GAS2L3: variants seen among roughly 807,000 people sequenced by gnomAD.
GAS2L3 encodes the protein growth arrest specific 2 like 3.
GAS2L3 carries 28 observed loss-of-function variants against 37.0 expected under a neutral mutation model. That is an observed-to-expected ratio of 0.76 (90% CI 0.56 to 1.04). The LOEUF (loss-of-function observed/expected upper bound fraction) is 1.04, where lower values mean the gene tolerates loss of function less well. Among genes scored for constraint, GAS2L3 ranks in the 50% least tolerant of loss-of-function variants. The pLI, the probability that GAS2L3 is intolerant of heterozygous loss-of-function variation, is 0.00. For missense variants in GAS2L3, 793 were observed against 817.6 expected, an observed-to-expected ratio of 0.97 and a Z score of 0.37; for synonymous variants, 290 against 296.6, an observed-to-expected ratio of 0.98 and a Z score of 0.23.
At chr12:100,578,633 T>C in intron 1 of GAS2L3, 1 of 256,316 alleles carries the variant, frequency 3.9e-6, no homozygotes, top group East Asian at 8.8e-5. Flanking sequence ...AGATGTGTAT[T>C]GGCGGCAGCC....
intron 1 of GAS2L3, among the ~76,000 whole-genome samples, chr12:100,578,052 T>A (rs1487149405): frequency 6.6e-6 from 1 of 152,206 alleles, no homozygotes; most frequent in Non-Finnish European, 1.5e-5. Flanking sequence ...AAAATGTCCT[T>A]GGATCAGAGT....
chr12:100,591,555 C>A (rs912320555), intron 1 of GAS2L3, among the ~76,000 whole-genome samples, 181 bp from the exon 2 acceptor site: 1 of 152,100 alleles, frequency 6.6e-6, no homozygotes, highest in South Asian at 2.1e-4. Context: ...GTATTACTAG[C>A]TTTGTTTTCT....
chr12:100,574,563 T>C (rs1955612279), intron 1 of GAS2L3, among the ~76,000 whole-genome samples: 1 of 152,166 alleles, frequency 6.6e-6, no homozygotes, highest in Non-Finnish European at 1.5e-5. Flanking sequence ...TCCTAATCTT[T>C]TCACACCGAG....
intron 5 of GAS2L3, among the ~76,000 whole-genome samples, chr12:100,608,205 GT>G (rs1300349963): frequency 6.6e-6 from 1 of 152,092 alleles, no homozygotes; most frequent in African/African-American, 2.4e-5. Flanking sequence ...GTGCGTGTGG[GT>G]TTTTTTCTTT....
chr12:100,623,836 A>T lies in GAS2L3; in HGVS notation c.1031A>T (p.Glu344Val), dbSNP rs745385305. The T allele has an allele frequency of 1.2e-6, 2 of 1,614,114 alleles. No homozygotes were observed. The highest frequency in any genetic ancestry group is 1.7e-6 in the Non-Finnish European group (2 of 1,179,990). ...SVPVSIPKSK[E>V]KQGRPPGALV... is the part of the protein sequence containing the mutation. ...CCAGTTAGTATTCCAAAAAGCAAAG[A>T]AAAACAGGGACGTCCACCAGGTGCA... The change falls in exon 10 of 10, where the codon GAA (glutamate) becomes GTA (valine). Residue 344 changes from glutamate (E) to valine (V), a missense_variant. Coordinates refer to ENST00000547754, the MANE Select transcript of GAS2L3 (RefSeq NM_174942.3).
At chr12:100,584,559 C>T (rs566004916) in intron 1 of GAS2L3, among the ~76,000 whole-genome samples, 12 of 151,978 alleles carry the variant, frequency 7.9e-5, no homozygotes, top group South Asian at 2.1e-4. Flanking sequence ...ACTGCCTACC[C>T]GACATTCCTA....
intron 1 of GAS2L3, among the ~76,000 whole-genome samples, chr12:100,583,374 G>A (rs957117445): frequency 1.3e-5 from 2 of 152,342 alleles, no homozygotes; most frequent in African/African-American, 4.8e-5. Flanking sequence ...AAAAATGTTT[G>A]TGCCCACTGG....
rs1469385 is a variant in GAS2L3, at chr12:100,623,667, T to C, written c.862T>C (p.Leu288=). ...CTGTCGAATATTACAGTTTGCCACA[T>C]TAGAACAAAAAATTTTAGCATTTCA... ...DPCRILQFAT[L]EQKILAFQKG... is the part of the protein sequence containing the mutation. The change falls in exon 10 of 10, where the codon TTA becomes CTA. Residue 288 remains leucine, a synonymous_variant. Transcript: ENST00000547754. The C allele has an allele frequency of 0.76, 1,224,889 of 1,613,474 alleles. 467,369 individuals carry two copies. Among genetic ancestry groups the C allele is most frequent in the East Asian group, 0.95 (42,405 of 44,866 alleles).
intron 6 of GAS2L3, among the ~76,000 whole-genome samples, chr12:100,616,997 C>T (rs78192097): frequency 0.02 from 2,916 of 149,264 alleles, 76 homozygotes; most frequent in African/African-American, 0.062. Context: ...TTTCTTTTTT[C>T]TTCCTAGTTT....
intron 1 of GAS2L3, among the ~76,000 whole-genome samples, chr12:100,582,519 G>C (rs1955726227): frequency 6.6e-6 from 1 of 152,184 alleles, no homozygotes; most frequent in Non-Finnish European, 1.5e-5. Context: ...GAAACACATT[G>C]TTCTACCCTG....
intron 1 of GAS2L3, among the ~76,000 whole-genome samples, chr12:100,590,460 C>T (rs1955832087): frequency 6.6e-6 from 1 of 152,208 alleles, no homozygotes; most frequent in Non-Finnish European, 1.5e-5. Flanking sequence ...CACTTCTACA[C>T]TGCTGGTGGA....
chr12:100,586,291 GC>G (rs1955780385), intron 1 of GAS2L3, among the ~76,000 whole-genome samples: 2 of 152,160 alleles, frequency 1.3e-5, no homozygotes, highest in South Asian at 4.1e-4. Context: ...CTGTTCAACA[GC>G]GCATGGAACT....
rs1374201415 is a variant in GAS2L3, at chr12:100,618,527, G to A, written c.588G>A (p.Gly196=). The change falls in exon 8 of 10, where the codon GGG becomes GGA. Residue 196 remains glycine, a synonymous_variant. Transcript: ENST00000547754. ...ELEETLLNTS[G]PEDSISIPKS... ...AAGAGACTTTGCTTAATACTTCTGG[G>A]CCTGAAGATTCCATCAGCATTCCAA... 2 of 1,612,906 alleles carry A rather than the reference G, an allele frequency of 1.2e-6. No individual in the cohort carries two copies. The highest frequency in any genetic ancestry group is 1.7e-6 in the Non-Finnish European group (2 of 1,179,436).
intron 1 of GAS2L3, among the ~76,000 whole-genome samples, chr12:100,583,293 T>C (rs1955736760): frequency 6.6e-6 from 1 of 152,260 alleles, no homozygotes; most frequent in Non-Finnish European, 1.5e-5. Flanking sequence ...TCACAGGTTC[T>C]GAGGATTAGG....
chr12:100,593,145 G>T (rs1186992462), intron 2 of GAS2L3, among the ~76,000 whole-genome samples: 1 of 151,960 alleles, frequency 6.6e-6, no homozygotes, highest in Non-Finnish European at 1.5e-5. Flanking sequence ...ACCAAAGACT[G>T]GCTCTTAGTA....
At chr12:100,583,758 C>T (rs538063645) in intron 1 of GAS2L3, among the ~76,000 whole-genome samples, 5 of 152,200 alleles carry the variant, frequency 3.3e-5, no homozygotes, top group African/African-American at 9.6e-5. Flanking sequence ...CATTTGCCAC[C>T]GCACCCAGCC....
chr12:100,615,725 A>G lies in GAS2L3; in HGVS notation c.446-2019A>G, dbSNP rs147407395. On this transcript the variant is annotated intron_variant, in intron 6 of 9. Coordinates refer to ENST00000547754, the MANE Select transcript of GAS2L3 (RefSeq NM_174942.3). ...TTGCATGTGGATGTCCAGTTGTGCC[A>G]ACACCATTTGTTGAAAAGCCTGTTC... Among the ~76,000 whole-genome samples the G allele has an allele frequency of 2.0e-5, 3 of 152,286 alleles. No individual in the cohort carries two copies. In the East Asian group the frequency reaches 5.8e-4, roughly 29 times the overall value.
intron 7 of GAS2L3, 105 bp from the exon 8 acceptor site, chr12:100,618,344 A>G (rs1956212926): frequency 9.0e-7 from 1 of 1,115,418 alleles, no homozygotes; most frequent in Admixed American, 2.5e-5. Flanking sequence ...AATTGGTAGA[A>G]GAGGATCATA....
chr12:100,589,855 G>A (rs1326353551), intron 1 of GAS2L3, among the ~76,000 whole-genome samples: 1 of 152,100 alleles, frequency 6.6e-6, no homozygotes, highest in Non-Finnish European at 1.5e-5. Flanking sequence ...ATGGTGCCGG[G>A]ATAATTGGCT....
Sources: allele counts gnomAD v4.1 joint callset (sites outside exome capture counted in the v4.1 genomes callset), GRCh38; gene constraint gnomAD v4.1.1; transcripts MANE v1.5; gene names NCBI Gene and HGNC (gene_info 2026-07-23, HGNC 2026-07-21).